KRT2: variants seen among roughly 807,000 people sequenced by gnomAD.
KRT2 encodes the protein keratin, type II cytoskeletal 2 epidermal.
KRT2 carries 37 observed loss-of-function variants against 48.5 expected under a neutral mutation model. The observed-to-expected ratio is 0.76, with a 90% CI of 0.59 to 1.00. The LOEUF is 1.00. KRT2 is among the 50% of genes least tolerant of loss of function. The pLI is 0.00. For synonymous variants in KRT2, 324 were observed against 312.2 expected (o/e 1.04, Z -0.40); for missense variants, 880 against 815.2 (o/e 1.08, Z -0.97).
In KRT2 at chr12:52,645,146, G is replaced by A. The variant is rs368130691; in HGVS notation, c.1793C>T (p.Ser598Phe). ...GGAGCCTCCTCTAGAGCCACCTCCAGAGCTGTGTTTTCCACCTCCAGAGCC... is the reference window on the plus strand; with the variant it reads ...GGAGCCTCCTCTAGAGCCACCTCCAAAGCTGTGTTTTCCACCTCCAGAGCC... ...GYGSGGGKHS[S>F]GGGSRGGSSS... Residue 598 changes from serine to phenylalanine, a missense_variant, in exon 9 of 9, where the codon TCT becomes TTT. Coordinates refer to ENST00000309680, the MANE Select transcript of KRT2 (RefSeq NM_000423.3). 6.2e-7 allele frequency: 1 copy of A among 1,613,642 alleles called. No individual in the cohort carries two copies. Among genetic ancestry groups the A allele is most frequent in the South Asian group, 1.1e-5 (1 of 90,896 alleles).
Position 52,652,076 on chromosome 12 carries a change from T to C in KRT2, c.67A>G (p.Ser23Gly), listed in dbSNP as rs1265452262. ...GGGGGGFRGF[S>G]SGSAVVSGGS... ...CCAGACACCACAGCTGAGCCGCTGC[T>C]GAAGCCCCGGAATCCTCCTCCACCT... Residue 23 changes from serine (S) to glycine (G), a missense_variant, in exon 1 of 9, where the codon AGC becomes GGC. Coordinates refer to ENST00000309680, the MANE Select transcript of KRT2 (RefSeq NM_000423.3). 7 of 1,599,374 alleles carry C rather than the reference T, an allele frequency of 4.4e-6. No homozygotes were observed. Among genetic ancestry groups the C allele is most frequent in the Middle Eastern group, 1.7e-4 (1 of 6,054 alleles).
In KRT2 at chr12:52,644,931, C is replaced by A; in HGVS notation, c.*88G>T. 1 of 1,434,316 alleles carries A rather than the reference C, an allele frequency of 7.0e-7. No homozygotes were observed. The highest frequency in any genetic ancestry group is 2.3e-5 in the East Asian group (1 of 43,960). The allele number at this position is 1,434,316 out of a possible 1,614,324, so 88.8% of individuals were successfully genotyped here. On this transcript the variant is annotated 3_prime_UTR_variant, in exon 9 of 9. Transcript: ENST00000309680. ...AGATAAATGACAAAAATTTAACTTG[C>A]TGCCAGTTAGAGGTACAGAGACAGG...
At chr12:52,645,657 A>G (rs1941153431) in intron 7 of KRT2, 88 bp from the exon 8 acceptor site, 4 of 1,376,326 alleles carry the variant, frequency 2.9e-6, no homozygotes, top group Non-Finnish European at 4.1e-6. Context: ...GCAAATGTGC[A>G]GTTTAGCCTC....
chr12:52,647,047 T>G, intron 6 of KRT2, 87 bp from the exon 7 acceptor site: 1 of 1,253,948 alleles, frequency 8.0e-7, no homozygotes, highest in Non-Finnish European at 1.2e-6. Context: ...CCAGAACCAC[T>G]GGCCCTGGGA....
intron 3 of KRT2, 133 bp downstream of exon 3, chr12:52,649,781 T>C (rs1338836249): frequency 1.1e-5 from 8 of 747,524 alleles, no homozygotes; most frequent in African/African-American, 1.7e-5. Flanking sequence ...CAAGAGAATG[T>C]GCCATGGGTC....
Position 52,651,904 on chromosome 12 carries a change from C to A in KRT2, c.239G>T (p.Gly80Val), listed in dbSNP as rs148049179. The change falls in exon 1 of 9, where the codon GGT becomes GTT. Residue 80 changes from glycine to valine, a missense_variant. Transcript: ENST00000309680. ...TCCACCAGCGGCGCCAAAGCCACCA[C>A]CTCCTCCAGCCACACTAATGGAGAT... is the stretch of plus-strand genomic sequence containing the variant. ...KSISISVAGG[G>V]GGFGAAGGFG... The A allele has an allele frequency of 6.2e-7, 1 of 1,611,178 alleles. No homozygotes were observed. The highest frequency in any genetic ancestry group is 8.5e-7 in the Non-Finnish European group (1 of 1,178,290).
At chr12:52,649,877 C>A in intron 3 of KRT2, 37 bp downstream of exon 3, 3 of 1,546,424 alleles carry the variant, frequency 1.9e-6, no homozygotes, top group Non-Finnish European at 2.7e-6. Context: ...TGAAGCACTC[C>A]TATCCCCACC....
Position 52,651,884 on chromosome 12 carries a change from C to G in KRT2, c.259G>C (p.Gly87Arg), listed in dbSNP as rs1421767728. 3 of 1,609,376 alleles carry G rather than the reference C, an allele frequency of 1.9e-6. No homozygotes were observed. The highest frequency in any genetic ancestry group is 2.5e-6 in the Non-Finnish European group (3 of 1,177,318). ...CCACCTCCTCTGCCACCAAATCCAC[C>G]AGCGGCGCCAAAGCCACCACCTCCT... The part of the protein sequence containing the change: ...AGGGGGFGAA[G>R]GFGGRGGGFG... Residue 87 changes from glycine (G) to arginine (R), a missense_variant, in exon 1 of 9, where the codon GGT (glycine) becomes CGT (arginine). By Grantham distance (125) the Gly-to-Arg change is moderately radical. Transcript: ENST00000309680.
At position 52,645,054 on chromosome 12, in the gene KRT2, C is replaced by T. The variant is rs768167890; in HGVS notation, c.1885G>A (p.Ala629Thr). 7.4e-6 allele frequency: 12 copies of T among 1,614,088 alleles called. No homozygotes were observed. In the South Asian group the frequency reaches 1.3e-4, roughly 18 times the overall value. Residue 629 changes from alanine (A) to threonine (T), a missense_variant, in exon 9 of 9, where the codon GCT (alanine) becomes ACT (threonine). Physicochemically the swap from Ala to Thr is moderately conservative, Grantham distance 58 (BLOSUM62 0). Transcript: ENST00000309680. ...SSSVKGSSGE[A>T]FGSSVTFSFR ...GAGAAGGTCACGCTGGAACCAAAAG[C>T]TTCACCTGAGCTACCCTTTACAGAG... is the stretch of plus-strand genomic sequence containing the variant.
Position 52,652,029 on chromosome 12 carries a change from G to A in KRT2, c.114C>T (p.Ser38=). The change falls in exon 1 of 9, where the codon TCC becomes TCT. Residue 38 remains serine (S), a synonymous_variant. Transcript: ENST00000309680. ...VVSGGSRRST[S]SFSCLSRHGG... ...CATGGCGGCTCAAGCAGGAGAAGCT[G>A]GAAGTTGATCTCCGGCTTCCACCAG... 1 of 1,608,416 alleles carries A rather than the reference G, an allele frequency of 6.2e-7. No homozygotes were observed. Among genetic ancestry groups the A allele is most frequent in the Non-Finnish European group, 8.5e-7 (1 of 1,179,854 alleles).
chr12:52,652,047 T>C lies in KRT2; in HGVS notation c.96A>G (p.Gly32=), dbSNP rs1941262896. ...FSSGSAVVSG[G]SRRSTSSFSC... is the part of the protein sequence containing the mutation. ...AGAAGCTGGAAGTTGATCTCCGGCT[T>C]CCACCAGACACCACAGCTGAGCCGC... Residue 32 remains glycine, a synonymous_variant, in exon 1 of 9, where the codon GGA becomes GGG. Transcript: ENST00000309680. The C allele has an allele frequency of 6.2e-7, 1 of 1,605,220 alleles. No individual in the cohort carries two copies. The highest frequency in any genetic ancestry group is 8.5e-7 in the Non-Finnish European group (1 of 1,179,902).
chr12:52,648,820 C>T (rs1386424592), intron 4 of KRT2, among the ~76,000 whole-genome samples, 187 bp downstream of exon 4: 1 of 152,056 alleles, frequency 6.6e-6, no homozygotes, highest in Non-Finnish European at 1.5e-5. Context: ...CCCATAACAT[C>T]GGAGGAGAAA....
rs11835758 is a variant in KRT2, at chr12:52,651,993, G to A, written c.150C>T (p.Gly50=). The change falls in exon 1 of 9, where the codon GGC becomes GGT. Residue 50 remains glycine (G), a synonymous_variant. Coordinates refer to ENST00000309680, the MANE Select transcript of KRT2 (RefSeq NM_000423.3). Reference sequence around the variant, plus strand: ...CAAAGCCGCCTCCACCGAAGCCCCCGCCACCACCACCATGGCGGCTCAAGC... The same window carrying A: ...CAAAGCCGCCTCCACCGAAGCCCCCACCACCACCACCATGGCGGCTCAAGC... The part of the protein sequence containing the change: ...FSCLSRHGGG[G]GGFGGGGFGS... The A allele has an allele frequency of 0.43, 687,353 of 1,610,748 alleles. 153,499 individuals are homozygous for A. The highest frequency in any genetic ancestry group is 0.46 in the Non-Finnish European group (539,994 of 1,178,550).
Position 52,646,768 on chromosome 12 carries a change from G to T in KRT2, c.1441C>A (p.Arg481Ser). The change falls in exon 7 of 9, where the codon CGC (arginine) becomes AGC (serine). Residue 481 changes from arginine (R) to serine (S), a missense_variant. By Grantham distance (110) the Arg-to-Ser change is moderately radical. Coordinates refer to ENST00000309680, the MANE Select transcript of KRT2 (RefSeq NM_000423.3). ...CACTCCTCGCCCTCCAGCAGTTTGC[G>T]GTAGGTGGCGATCTCCACATCTAGG... ...LALDVEIATY[R>S]KLLEGEECRM... 3 of 1,614,000 alleles carry T rather than the reference G, an allele frequency of 1.9e-6. No individual in the cohort carries two copies. The highest frequency in any genetic ancestry group is 2.5e-6 in the Non-Finnish European group (3 of 1,179,984).
chr12:52,649,968 C>A lies in KRT2; in HGVS notation c.807G>T (p.Glu269Asp), dbSNP rs542809502. Reference protein sequence around the residue: ...DLVEDYKKKYEDEINKRTAAE... With the variant: ...DLVEDYKKKYDDEINKRTAAE... ...CAGCTGTGCGCTTATTGATTTCATC[C>A]TCATACCTATTGGGACACAGATGTT... The change falls in exon 3 of 9, where the codon GAG becomes GAT. Residue 269 changes from glutamate (E) to aspartate (D), a missense_variant. Physicochemically the swap from Glu to Asp is conservative, Grantham distance 45. Transcript: ENST00000309680. 3 of 1,611,652 alleles carry A rather than the reference C, an allele frequency of 1.9e-6. No individual in the cohort carries two copies. In the East Asian group the frequency reaches 6.7e-5, roughly 36 times the overall value.
Position 52,650,468 on chromosome 12 carries a change from T to C in KRT2, c.671A>G (p.Asn224Ser). ...QQMNVGTRPI[N>S]LEPIFQGYID... Reference sequence around the variant, plus strand: ...ATACCCCTGGAAGATGGGCTCCAGGTTGATGGGGCGGGTGCCAACATTCAT... The same window carrying C: ...ATACCCCTGGAAGATGGGCTCCAGGCTGATGGGGCGGGTGCCAACATTCAT... The change falls in exon 2 of 9, where the codon AAC (asparagine) becomes AGC (serine). Residue 224 changes from asparagine to serine, a missense_variant. Coordinates refer to ENST00000309680, the MANE Select transcript of KRT2 (RefSeq NM_000423.3). 6.2e-7 allele frequency: 1 copy of C among 1,614,024 alleles called. No individual in the cohort carries two copies. The highest frequency in any genetic ancestry group is 8.5e-7 in the Non-Finnish European group (1 of 1,180,006).
At chr12:52,649,166 A>T in intron 3 of KRT2, 64 bp from the exon 4 acceptor site, 1 of 954,572 alleles carries the variant, frequency 1.0e-6, no homozygotes, top group Non-Finnish European at 1.7e-6. Context: ...TCTCTCTGCC[A>T]CTCCCCTCTA....
At chr12:52,649,999 A>G (rs1430287638) in intron 2 of KRT2, 25 bp from the exon 3 acceptor site, 2 of 1,551,122 alleles carry the variant, frequency 1.3e-6, no homozygotes, top group African/African-American at 2.7e-5. Context: ...ATGTTACAGC[A>G]GTTAGATTAG....
Position 52,649,825 on chromosome 12 carries a change from A to T in KRT2, c.861+89T>A. The T allele has an allele frequency of 5.1e-6, 5 of 983,908 alleles. No individual in the cohort carries two copies. In the South Asian group the frequency reaches 6.4e-5, roughly 13 times the overall value. The allele number at this position is 983,908 out of a possible 1,614,324, so 60.9% of individuals were successfully genotyped here. A position where few individuals can be genotyped will look rare whatever the true frequency, so the allele number is the denominator to read the frequency against. ...TTCTCTGGCTGCTGCTTTTGCACTC[A>T]CAGTTGATTTCCAAACTGGCTGCTT... On this transcript the variant is annotated intron_variant, in intron 3 of 8. Transcript: ENST00000309680.
Sources: allele counts gnomAD v4.1 joint callset (sites outside exome capture counted in the v4.1 genomes callset), GRCh38; gene constraint gnomAD v4.1.1; transcripts MANE v1.5; gene names NCBI Gene and HGNC (gene_info 2026-07-23, HGNC 2026-07-21).